Variants in MYO1E observed in about 807,000 individuals in gnomAD.
MYO1E encodes myosin IE, also known as unconventional myosin-Ie.
A neutral mutation model predicts 151.1 loss-of-function variants in MYO1E; 68 were observed. The ratio of observed to expected loss-of-function variants is 0.45; its 90% CI spans 0.37 to 0.55. The LOEUF is 0.55. Among genes scored for constraint, MYO1E ranks in the 20% least tolerant of loss-of-function variants. MYO1E has a pLI of 0.00. For synonymous variants in MYO1E, 601 were observed against 501.7 expected, an observed-to-expected ratio of 1.20 and a Z score of -2.64; for missense variants, 1,363 against 1,389.3, an observed-to-expected ratio of 0.98 and a Z score of 0.30.
chr15:59,268,461 T>G (rs1223211128), intron 2 of MYO1E, among the ~76,000 whole-genome samples: 1 of 152,152 alleles, frequency 6.6e-6, no homozygotes, highest in African/African-American at 2.4e-5. Flanking sequence ...TCTGTGTGAG[T>G]CATTTAAAAA....
chr15:59,166,552 G>GT (rs112870230), intron 22 of MYO1E, among the ~76,000 whole-genome samples: 5,452 of 140,804 alleles, frequency 0.039, 139 homozygotes, highest in Middle Eastern at 0.072. Context: ...AAGGAGTTTT[G>GT]TTTTTTTTTT....
rs760771682 is a variant in MYO1E, at chr15:59,137,463, GGA to G, written c.3251-9_3251-8del. 2.5e-6 allele frequency: 4 copies of G among 1,613,586 alleles called. No homozygotes were observed. Among genetic ancestry groups the G allele is most frequent in the East Asian group, 2.2e-5 (1 of 44,880 alleles). On this transcript the variant is annotated splice_polypyrimidine_tract_variant and splice_region_variant and intron_variant, in intron 27 of 27. Transcript: ENST00000288235. ...GTCCACCAGCCAGAAGGATCTGCAG[GGA>G]GAGAGAGGTGGTGGAAGTGAAGATG...
At chr15:59,352,429 T>C (rs965657848) in intron 1 of MYO1E, among the ~76,000 whole-genome samples, 2 of 152,154 alleles carry the variant, frequency 1.3e-5, no homozygotes, top group Non-Finnish European at 2.9e-5. Flanking sequence ...GGACCTGAAG[T>C]TCTGCATTTC....
At position 59,224,677 on chromosome 15, in the gene MYO1E, G is replaced by A. The variant is rs2079977931; in HGVS notation, c.777+12C>T. 7.4e-6 allele frequency: 12 copies of A among 1,614,118 alleles called. No individual in the cohort carries two copies. Among genetic ancestry groups the A allele is most frequent in the Non-Finnish European group, 1.0e-5 (12 of 1,180,002 alleles). On this transcript the variant is annotated intron_variant, in intron 8 of 27. Coordinates refer to ENST00000288235, the MANE Select transcript of MYO1E (RefSeq NM_004998.4). ...GAGAGCAGATCCTGCCTGGCCCTGC[G>A]CCAGCACTTACCAGAGTTTCCTGAA...
chr15:59,297,025 G>T (rs76235980), intron 1 of MYO1E, among the ~76,000 whole-genome samples: 17,989 of 47,278 alleles, frequency 0.38, 5,200 homozygotes, highest in South Asian at 0.64. Flanking sequence ...CTAATTTTTT[G>T]TGTTTTTTTG....
intron 2 of MYO1E, chr15:59,266,916 CT>C (rs1207846738): frequency 6.6e-6 from 1 of 151,846 alleles, no homozygotes; most frequent in Non-Finnish European, 1.5e-5. Context: ...CCGCCTTGGC[CT>C]CCCAAAGTGC....
At chr15:59,269,852 CA>C (rs1161721799) in intron 2 of MYO1E, among the ~76,000 whole-genome samples, 174 of 137,878 alleles carry the variant, frequency 1.3e-3, no homozygotes, top group South Asian at 1.1e-3. Context: ...GACTCCATCT[CA>C]AAAAAAAAAA....
chr15:59,296,463 A>G (rs1381534666), intron 1 of MYO1E, among the ~76,000 whole-genome samples: 1 of 152,212 alleles, frequency 6.6e-6, no homozygotes, highest in East Asian at 1.9e-4. Context: ...TTGGCTCTGC[A>G]TGGCAGAGCG....
At position 59,191,332 on chromosome 15, in the gene MYO1E, C is replaced by CAGAGAGAGAGAGAGAGAGAGAGAGAGAG. The variant is rs34694267; in HGVS notation, c.1806-3144_1806-3117dup. On this transcript the variant is annotated intron_variant, in intron 17 of 27. Coordinates refer to ENST00000288235, the MANE Select transcript of MYO1E (RefSeq NM_004998.4). Reference sequence around the variant, plus strand: ...CCCATATAAGTCAGACAGACAGAGACAGAGAGAGAGAGAGAGAGAGAGAGA... The same window carrying CAGAGAGAGAGAGAGAGAGAGAGAGAGAG: ...CCCATATAAGTCAGACAGACAGAGACAGAGAGAGAGAGAGAGAGAGAGAGAGAGAGAGAGAGAGAGAGAGAGAGAGAGA... Among the ~76,000 whole-genome samples, 32 of 105,738 alleles carry CAGAGAGAGAGAGAGAGAGAGAGAGAGAG rather than the reference C, an allele frequency of 3.0e-4. 1 individual carries two copies. The highest frequency in any genetic ancestry group is 8.6e-4 in the African/African-American group (25 of 29,032). The allele number at this position is 105,738 out of a possible 152,430, so 69.4% of individuals were successfully genotyped here. A position where few individuals can be genotyped will look rare whatever the true frequency, so the allele number is the denominator to read the frequency against.
intron 10 of MYO1E, 66 bp downstream of exon 10, chr15:59,217,825 G>C (rs2079928863): frequency 6.4e-7 from 1 of 1,568,786 alleles, no homozygotes; most frequent in Non-Finnish European, 8.8e-7. Flanking sequence ...ACCGCACCCA[G>C]CCTACTAGTT....
chr15:59,207,830 C>A, intron 14 of MYO1E: 2 of 1,614,198 alleles, frequency 1.2e-6, no homozygotes. Flanking sequence ...AAAGGTTATA[C>A]TTCTTGGGCC....
chr15:59,140,827 C>T (rs1440939828), intron 26 of MYO1E, among the ~76,000 whole-genome samples: 1 of 152,192 alleles, frequency 6.6e-6, no homozygotes, highest in Non-Finnish European at 1.5e-5. Flanking sequence ...TTTTACACCA[C>T]CCCACGTGGG....
chr15:59,172,885 C>T (rs1388987636), intron 21 of MYO1E, among the ~76,000 whole-genome samples: 2 of 152,258 alleles, frequency 1.3e-5, no homozygotes, highest in African/African-American at 4.8e-5. Context: ...GGGCTGCCGT[C>T]ACAGCAGCTG....
At chr15:59,321,629 A>G (rs1340053438) in intron 1 of MYO1E, among the ~76,000 whole-genome samples, 2 of 152,234 alleles carry the variant, frequency 1.3e-5, no homozygotes, top group Non-Finnish European at 2.9e-5. Context: ...GGAGCTAAAC[A>G]TTGGGTACTC....
chr15:59,334,634 A>G lies in MYO1E; in HGVS notation c.3+37864T>C, dbSNP rs552292254. On this transcript the variant is annotated intron_variant, in intron 1 of 27. Transcript: ENST00000288235. ...CAGGACCAAAGTAGAATCAGATGGT[A>G]TCAATAAAACTGCCAACTTCATCCA... is the stretch of plus-strand genomic sequence containing the variant. Among the ~76,000 whole-genome samples the G allele has an allele frequency of 2.5e-4, 38 of 152,320 alleles. No individual in the cohort carries two copies. The South Asian group carries it at 7.7e-3, about 31-fold the overall frequency.
rs1032727319 is a variant in MYO1E, at chr15:59,168,558, G to A, written c.2480+3339C>T. On this transcript the variant is annotated intron_variant, in intron 22 of 27. Coordinates refer to ENST00000288235, the MANE Select transcript of MYO1E (RefSeq NM_004998.4). The stretch of plus-strand genomic sequence containing the variant: ...AGACCCCGTCTCAAAAAAATAAAAA[G>A]TAGTATAGAATGAACCACCACATGT... 4.1e-4 allele frequency among the ~76,000 whole-genome samples: 62 copies of A among 152,068 alleles called. 2 individuals are homozygous for A. The highest frequency in any genetic ancestry group is 1.3e-3 in the African/African-American group (56 of 41,500).
At chr15:59,221,090 C>T (rs144252134) in intron 9 of MYO1E, among the ~76,000 whole-genome samples, 2 of 149,024 alleles carry the variant, frequency 1.3e-5, no homozygotes, top group African/African-American at 4.9e-5. Flanking sequence ...TGGAGACTCG[C>T]TCGTTGCCCA....
intron 1 of MYO1E, among the ~76,000 whole-genome samples, chr15:59,287,793 G>C (rs2080395891): frequency 6.6e-6 from 1 of 152,172 alleles, no homozygotes; most frequent in Non-Finnish European, 1.5e-5. Context: ...CCCTAAGATA[G>C]GATGGCCTCC....
intron 1 of MYO1E, among the ~76,000 whole-genome samples, chr15:59,352,659 T>C (rs1027078701): frequency 6.6e-6 from 1 of 152,204 alleles, no homozygotes; most frequent in Non-Finnish European, 1.5e-5. Flanking sequence ...ATATGTACTT[T>C]AAAGTAGATA....
Sources: allele counts gnomAD v4.1 joint callset (sites outside exome capture counted in the v4.1 genomes callset), GRCh38; gene constraint gnomAD v4.1.1; transcripts MANE v1.5; gene names NCBI Gene and HGNC (gene_info 2026-07-23, HGNC 2026-07-21).